NPTN: variants seen among roughly 807,000 people sequenced by gnomAD.
NPTN encodes the protein SDR-1.
Under a neutral mutation model 42.7 loss-of-function variants are expected in NPTN, and 5 were observed. The observed-to-expected ratio is 0.12, with a 90% confidence interval of 0.06 to 0.25. The LOEUF (loss-of-function observed/expected upper bound fraction) is 0.25. Among genes scored for constraint, NPTN ranks in the 10% least tolerant of loss-of-function variants. NPTN has a pLI of 1.00. For missense variants in NPTN, 307 were observed against 525.4 expected (o/e 0.58, Z 4.06); for synonymous variants, 180 against 201.9 (o/e 0.89, Z 0.92).
chr15:73,587,588 G>A lies in NPTN; in HGVS notation c.642C>T (p.Gly214=). The change falls in exon 4 of 9, where the codon GGC becomes GGT. Residue 214 remains glycine, a synonymous_variant. Transcript: ENST00000345330. The part of the protein sequence containing the change: ...RINKPRAEDS[G]EYHCVYHFVS... The stretch of plus-strand genomic sequence containing the variant: ...CAAAGTGATATACGCAGTGGTATTC[G>A]CCTGAATCCTCAGCTCTCGGCTTAT... The A allele has an allele frequency of 1.9e-6, 3 of 1,613,854 alleles. No homozygotes were observed. The highest frequency in any genetic ancestry group is 2.5e-6 in the Non-Finnish European group (3 of 1,179,740).
chr15:73,619,062 C>CAAGA (rs1898002859), intron 1 of NPTN, among the ~76,000 whole-genome samples: 1 of 61,164 alleles, frequency 1.6e-5, no homozygotes, highest in Non-Finnish European at 3.7e-5. Flanking sequence ...GACCCTGTCT[C>CAAGA]AAAAAAAAAA....
Position 73,570,216 on chromosome 15 carries a change from T to C in NPTN, c.1048A>G (p.Ile350Val). ...LWPFLGILAEIIILVVIIVVY... is the reference protein window; with the variant it reads ...LWPFLGILAEVIILVVIIVVY... ...ACAATGATCACCACAAGGATGATAA[T>C]TTCAGCCAGAATTCCCAAGAAAGGC... The change falls in exon 6 of 9, where the codon ATT (isoleucine) becomes GTT (valine). Residue 350 changes from isoleucine to valine, a missense_variant. Physicochemically the swap from Ile to Val is conservative, Grantham distance 29 (BLOSUM62 3). Transcript: ENST00000345330. The surrounding 1 kb of genome is among the most constrained non-coding windows in gnomAD (Gnocchi z 4.0). 1 of 1,614,140 alleles carries C rather than the reference T, an allele frequency of 6.2e-7. No individual in the cohort carries two copies. Among genetic ancestry groups the C allele is most frequent in the Non-Finnish European group, 8.5e-7 (1 of 1,180,026 alleles).
chr15:73,575,364 G>A (rs915529234), intron 4 of NPTN, among the ~76,000 whole-genome samples: 1 of 152,210 alleles, frequency 6.6e-6, no homozygotes, highest in African/African-American at 2.4e-5. Flanking sequence ...TGATCTGCCC[G>A]CCTCAGCCTC....
intron 1 of NPTN, among the ~76,000 whole-genome samples, chr15:73,623,129 T>C (rs557092195): frequency 6.6e-6 from 1 of 152,252 alleles, no homozygotes; most frequent in Non-Finnish European, 1.5e-5. Flanking sequence ...GGTTATACTT[T>C]TACTAGGTTT....
chr15:73,571,667 C>A (rs1446621670), intron 5 of NPTN, among the ~76,000 whole-genome samples: 1 of 152,088 alleles, frequency 6.6e-6, no homozygotes, highest in Non-Finnish European at 1.5e-5. Flanking sequence ...CGGGACTCAG[C>A]GGGATGGCTC....
At chr15:73,591,823 C>T in intron 3 of NPTN, 143 bp downstream of exon 3, 1 of 702,208 alleles carries the variant, frequency 1.4e-6, no homozygotes, top group South Asian at 2.4e-5. Flanking sequence ...CTGGGCCTTA[C>T]CTGAGATACT....
rs766054769 is a variant in NPTN, at chr15:73,563,222, A to T, written c.1136+14T>A. 3 of 1,530,082 alleles carry T rather than the reference A, an allele frequency of 2.0e-6. No individual in the cohort carries two copies. Among genetic ancestry groups the T allele is most frequent in the South Asian group, 2.2e-5 (2 of 89,246 alleles). The allele number at this position is 1,530,082 out of a possible 1,614,324, so 94.8% of individuals were successfully genotyped here. ...ATCAGATACTGTTGAATCAATGTCC[A>T]ATAAAGTACTTACATTGGTCCAGCT... On this transcript the variant is annotated intron_variant, in intron 7 of 8. Coordinates refer to ENST00000345330, the MANE Select transcript of NPTN (RefSeq NM_012428.4).
At chr15:73,572,204 A>G (rs1895441673) in intron 5 of NPTN, among the ~76,000 whole-genome samples, 1 of 151,948 alleles carries the variant, frequency 6.6e-6, no homozygotes, top group African/African-American at 2.4e-5. Flanking sequence ...ACTAGATACA[A>G]CTCTTGGTTT....
chr15:73,569,701 A>G lies in NPTN; in HGVS notation c.1114+449T>C. 3.0e-6 allele frequency: 3 copies of G among 985,456 alleles called. No homozygotes were observed. Among genetic ancestry groups the G allele is most frequent in the Non-Finnish European group, 2.4e-6 (2 of 829,926 alleles). The allele number at this position is 985,456 out of a possible 1,614,324, so 61.0% of individuals were successfully genotyped here. A position where few individuals can be genotyped will look rare whatever the true frequency, so the allele number is the denominator to read the frequency against. Reference sequence around the variant, plus strand: ...GGCTACACCAGGCAACCATGTGACAACCAGTTAGATACCTTAAATCTGCCT... The same window carrying G: ...GGCTACACCAGGCAACCATGTGACAGCCAGTTAGATACCTTAAATCTGCCT... On this transcript the variant is annotated intron_variant, in intron 6 of 8. Transcript: ENST00000345330. This position sits in a 1 kb window ranked among gnomAD's most constrained non-coding sequence, Gnocchi z 4.1.
At position 73,569,302 on chromosome 15, in the gene NPTN, T is replaced by C. The variant is rs529759449; in HGVS notation, c.1114+848A>G. 1.0e-6 allele frequency: 1 copy of C among 985,500 alleles called. No homozygotes were observed. Among genetic ancestry groups the C allele is most frequent in the Non-Finnish European group, 1.2e-6 (1 of 830,014 alleles). 61.0% of individuals were successfully genotyped at this position (985,500 alleles called of 1,614,324 possible). ...CTTCCCCCTTCACAGGAAAAATCGATCACCAAAAATTTCCCAAGGCTTTTC... is the reference window on the plus strand; with the variant it reads ...CTTCCCCCTTCACAGGAAAAATCGACCACCAAAAATTTCCCAAGGCTTTTC... On this transcript the variant is annotated intron_variant, in intron 6 of 8. Coordinates refer to ENST00000345330, the MANE Select transcript of NPTN (RefSeq NM_012428.4). The surrounding 1 kb of genome is among the most constrained non-coding windows in gnomAD (Gnocchi z 4.1).
At chr15:73,564,374 CG>C (rs1219326579) in intron 6 of NPTN, among the ~76,000 whole-genome samples, 1 of 152,110 alleles carries the variant, frequency 6.6e-6, no homozygotes, top group African/African-American at 2.4e-5. Flanking sequence ...GAGCACATGT[CG>C]GGAGTAATGT....
rs1196084665 is a variant in NPTN at position 73,580,400 on chromosome 15, T to TTATATATATAATATATATATAA, written c.707-6627_707-6606dup. ...AAAGTAAAACTTTAAAATATATATA[T>TTATATATATAATATATATATAA]TATATATATAATATATATATAATAT... On this transcript the variant is annotated intron_variant, in intron 4 of 8. Coordinates refer to ENST00000345330, the MANE Select transcript of NPTN (RefSeq NM_012428.4). Among the ~76,000 whole-genome samples the TTATATATATAATATATATATAA allele has an allele frequency of 1.1e-4, 11 of 104,698 alleles. No homozygotes were observed. The East Asian group carries it at 1.5e-3, about 14-fold the overall frequency. The allele number at this position is 104,698 out of a possible 152,430, so 68.7% of individuals were successfully genotyped here.
intron 4 of NPTN, among the ~76,000 whole-genome samples, chr15:73,574,201 T>C (rs780029793): frequency 1.7e-4 from 26 of 152,228 alleles, no homozygotes; most frequent in Non-Finnish European, 3.1e-4. Context: ...TCCTGTCAAA[T>C]ATCACACATT....
At chr15:73,603,826 A>C (rs530339776) in intron 1 of NPTN, among the ~76,000 whole-genome samples, 15 of 152,346 alleles carry the variant, frequency 9.8e-5, no homozygotes, top group African/African-American at 3.6e-4. Flanking sequence ...CATTAGCTTA[A>C]TTTCAGCCTA....
At position 73,560,446 on chromosome 15, in the gene NPTN, TAA is replaced by T. The variant is rs1430587707; in HGVS notation, c.*615_*616del. The T allele has an allele frequency of 2.6e-5, 4 of 152,764 alleles. No homozygotes were observed. In the East Asian group the frequency reaches 7.7e-4, roughly 29 times the overall value. The allele number at this position is 152,764 out of a possible 1,614,324, so 9.5% of individuals were successfully genotyped here. A position where few individuals can be genotyped will look rare whatever the true frequency, so the allele number is the denominator to read the frequency against. On this transcript the variant is annotated 3_prime_UTR_variant, in exon 9 of 9. Transcript: ENST00000345330. Reference sequence around the variant, plus strand: ...CATTCAGTGGACTGTTCCAGCTTATTAAAGTCACAGGTTAAGCCCTTAAAATT... The same window carrying T: ...CATTCAGTGGACTGTTCCAGCTTATTAGTCACAGGTTAAGCCCTTAAAATT...
intron 1 of NPTN, among the ~76,000 whole-genome samples, chr15:73,605,110 G>C (rs896628570): frequency 7.0e-6 from 1 of 143,022 alleles, no homozygotes; most frequent in African/African-American, 2.8e-5. Context: ...GGGGGGGGGG[G>C]GAAAAGAATG....
At chr15:73,589,512 C>T (rs1186069336) in intron 3 of NPTN, among the ~76,000 whole-genome samples, 1 of 151,992 alleles carries the variant, frequency 6.6e-6, no homozygotes, top group African/African-American at 2.4e-5. Flanking sequence ...TGAGTAATTA[C>T]AGAAAGAAGA....
intron 1 of NPTN, among the ~76,000 whole-genome samples, chr15:73,610,974 T>C (rs1159307291): frequency 2.6e-5 from 4 of 152,198 alleles, no homozygotes; most frequent in Admixed American, 2.6e-4. Context: ...TTATTTTGAA[T>C]CTTGAAAAAT....
Position 73,599,006 on chromosome 15 carries a change from C to T in NPTN, c.92-1637G>A, listed in dbSNP as rs149520020. ...TCTTTCAATTCCTGACATTTTCAGA[C>T]TCTGGGGAGCACAGGAATGCAGTGA... On this transcript the variant is annotated intron_variant, in intron 1 of 8. Coordinates refer to ENST00000345330, the MANE Select transcript of NPTN (RefSeq NM_012428.4). Among the ~76,000 whole-genome samples, 60 of 152,316 alleles carry T rather than the reference C, an allele frequency of 3.9e-4. No individual in the cohort carries two copies. In the East Asian group the frequency reaches 0.011, roughly 28 times the overall value.
Sources: gnomAD v4.1 joint callset for allele counts (sites outside exome capture counted in the v4.1 genomes callset) on GRCh38, gnomAD v4.1.1 for gene constraint, Gnocchi (gnomAD v3.1) non-coding constraint, MANE v1.5 for transcripts, NCBI Gene and HGNC (gene_info 2026-07-23, HGNC 2026-07-21) for gene names.